Variants in TDRD9 observed in about 807,000 individuals in gnomAD.
TDRD9 encodes tudor domain containing 9.
TDRD9 carries 124 observed loss-of-function variants against 172.6 expected under a neutral mutation model. That is an observed-to-expected ratio of 0.72 (90% confidence interval 0.62 to 0.83). The LOEUF is 0.83. Among genes scored for constraint, TDRD9 ranks in the 40% least tolerant of loss-of-function variants. The probability of loss-of-function intolerance (pLI) is 0.00; values close to 1 mark genes in which losing one functional copy is unlikely to be tolerated. For missense variants in TDRD9, 1,479 were observed against 1,714.1 expected, an observed-to-expected ratio of 0.86 and a Z score of 2.42; for synonymous variants, 619 against 617.1, an observed-to-expected ratio of 1.00 and a Z score of -0.05.
chr14:103,968,744 T>A (rs1490312194), intron 5 of TDRD9, among the ~76,000 whole-genome samples: 9 of 92,908 alleles, frequency 9.7e-5, no homozygotes, highest in African/African-American at 1.2e-4. Flanking sequence ...TGCAGTGAGC[T>A]GAGATTGCGC....
chr14:103,960,172 TCC>T (rs2032442038), intron 2 of TDRD9, among the ~76,000 whole-genome samples: 1 of 152,236 alleles, frequency 6.6e-6, no homozygotes. Flanking sequence ...ACATCAGTAA[TCC>T]AGTAATTAAA....
chr14:103,934,501 G>C (rs115321195), intron 1 of TDRD9, among the ~76,000 whole-genome samples: 2,463 of 152,294 alleles, frequency 0.016, 68 homozygotes, highest in African/African-American at 0.056. Flanking sequence ...TGTCCTAGCC[G>C]AGCACGGTGG....
At chr14:104,031,005 A>G in intron 28 of TDRD9, 103 bp from the exon 29 acceptor site, 5 of 1,056,220 alleles carry the variant, frequency 4.7e-6, no homozygotes, top group South Asian at 1.5e-5. Context: ...TTAATGACAT[A>G]GAAATCAGAG....
At chr14:103,967,506 C>T (rs988193663) in intron 5 of TDRD9, among the ~76,000 whole-genome samples, 46 of 152,108 alleles carry the variant, frequency 3.0e-4, no homozygotes, top group Non-Finnish European at 2.1e-4. Flanking sequence ...GCCTGGGCAA[C>T]AGAGTGAGAC....
chr14:104,047,789 G>A (rs748624595), intron 34 of TDRD9, among the ~76,000 whole-genome samples: 2 of 152,130 alleles, frequency 1.3e-5, no homozygotes, highest in African/African-American at 4.8e-5. Context: ...ATCTCAGGTC[G>A]ACGTGGATGC....
chr14:103,995,431 G>A (rs887953463), intron 11 of TDRD9, among the ~76,000 whole-genome samples: 3 of 152,134 alleles, frequency 2.0e-5, no homozygotes, highest in Non-Finnish European at 4.4e-5. Flanking sequence ...TAGAAACCTG[G>A]TTGTGCCCCT....
chr14:103,985,454 T>C (rs904958578), intron 7 of TDRD9, among the ~76,000 whole-genome samples: 6 of 152,222 alleles, frequency 3.9e-5, no homozygotes, highest in Non-Finnish European at 8.8e-5. Context: ...CCCAGCCATG[T>C]GGAACTGTAA....
intron 34 of TDRD9, among the ~76,000 whole-genome samples, chr14:104,045,564 A>G (rs1000340380): frequency 1.3e-5 from 2 of 152,160 alleles, no homozygotes; most frequent in Non-Finnish European, 2.9e-5. Flanking sequence ...TATTTTAATG[A>G]TGTCTTCCAA....
At chr14:103,985,162 G>A (rs1191923500) in intron 7 of TDRD9, among the ~76,000 whole-genome samples, 3 of 152,170 alleles carry the variant, frequency 2.0e-5, no homozygotes, top group Non-Finnish European at 4.4e-5. Flanking sequence ...ACTTTGTGGG[G>A]ACTGTTGGGA....
At chr14:104,010,341 A>C (rs1220919097) in intron 20 of TDRD9, among the ~76,000 whole-genome samples, 1 of 152,024 alleles carries the variant, frequency 6.6e-6, no homozygotes, top group African/African-American at 2.4e-5. Flanking sequence ...TTTATTTGTT[A>C]AACTTTTTTG....
chr14:104,012,846 G>A (rs1258230899), intron 20 of TDRD9, among the ~76,000 whole-genome samples: 2 of 152,068 alleles, frequency 1.3e-5, no homozygotes, highest in Admixed American at 1.3e-4. Context: ...CAATCCTCCT[G>A]CCTCAGCCTC....
chr14:104,013,421 C>T (rs532169473), intron 20 of TDRD9, among the ~76,000 whole-genome samples: 9 of 152,206 alleles, frequency 5.9e-5, no homozygotes, highest in East Asian at 5.8e-4. Context: ...GAGGCTGGGA[C>T]GTGTTTCAAG....
intron 14 of TDRD9, 159 bp from the exon 15 acceptor site, chr14:104,005,115 C>G (rs1226639815): frequency 7.1e-6 from 4 of 563,384 alleles, no homozygotes. Flanking sequence ...TTCTTCTTCT[C>G]TCTCCCTTCT....
intron 20 of TDRD9, among the ~76,000 whole-genome samples, chr14:104,009,681 C>G (rs190074747): frequency 4.4e-4 from 67 of 152,266 alleles, no homozygotes; most frequent in Non-Finnish European, 8.4e-4. Context: ...CATATTAACA[C>G]TTAGCTTAAA....
chr14:104,005,297 C>G lies in TDRD9; in HGVS notation c.1605C>G (p.Ile535Met). ...AGCGTTGTCCATTAGGAAGCACGAT[C>G]TTGAAAGTGAAATTACTTGACATGG... ...EMLRCPLGST[I>M]LKVKLLDMGE... Residue 535 changes from isoleucine to methionine, a missense_variant, in exon 15 of 36, where the codon ATC becomes ATG. Physicochemically the swap from Ile to Met is conservative, Grantham distance 10 (BLOSUM62 1). Around this residue, in one of 3 missense-constraint regions of TDRD9, gnomAD observed 1,413 missense variants for 1,649.1 expected, o/e 0.86. Coordinates refer to ENST00000409874, the MANE Select transcript of TDRD9 (RefSeq NM_153046.3). 1 of 1,613,982 alleles carries G rather than the reference C, an allele frequency of 6.2e-7. No homozygotes were observed. The highest frequency in any genetic ancestry group is 1.3e-5 in the African/African-American group (1 of 75,028).
chr14:103,932,456 C>T (rs932842974), intron 1 of TDRD9, among the ~76,000 whole-genome samples: 45 of 151,942 alleles, frequency 3.0e-4, no homozygotes, highest in African/African-American at 9.7e-4. Flanking sequence ...GGCGCCATCT[C>T]GGCTCACTGC....
chr14:103,947,632 A>G (rs1273948486), intron 1 of TDRD9, among the ~76,000 whole-genome samples: 7 of 152,206 alleles, frequency 4.6e-5, no homozygotes, highest in Non-Finnish European at 8.8e-5. Flanking sequence ...TGGCCAGGAC[A>G]GTCTTTTCAG....
At chr14:103,986,415 T>A in intron 8 of TDRD9, 95 bp downstream of exon 8, 1 of 875,126 alleles carries the variant, frequency 1.1e-6, no homozygotes, top group Non-Finnish European at 1.7e-6. Flanking sequence ...TAAGAAGGTA[T>A]AACTATAGGT....
intron 28 of TDRD9, among the ~76,000 whole-genome samples, chr14:104,027,501 C>T (rs1041286434): frequency 2.6e-5 from 4 of 152,118 alleles, no homozygotes; most frequent in Non-Finnish European, 5.9e-5. Flanking sequence ...TCAACTGTTT[C>T]TTTGAAAATC....
Sources: allele counts gnomAD v4.1 joint callset (sites outside exome capture counted in the v4.1 genomes callset), GRCh38; gene constraint gnomAD v4.1.1; regional missense constraint gnomAD v4.1.1; transcripts MANE v1.5; gene names NCBI Gene and HGNC (gene_info 2026-07-23, HGNC 2026-07-21).